FRAS1: variants seen among roughly 807,000 people sequenced by gnomAD.
FRAS1 encodes extracellular matrix organizing protein FRAS1.
A neutral mutation model predicts 435.2 loss-of-function variants in FRAS1; 290 were observed. That is an observed-to-expected ratio of 0.67 (90% CI 0.61 to 0.73). FRAS1 has a LOEUF of 0.73. Among genes scored for constraint, FRAS1 ranks in the 30% least tolerant of loss-of-function variants. The pLI, the probability that FRAS1 is intolerant of heterozygous loss-of-function variation, is 0.00. For missense variants in FRAS1, 4,860 were observed against 5,001.5 expected (o/e 0.97, Z 0.85); for synonymous variants, 1,800 against 1,851.0 (o/e 0.97, Z 0.71).
rs1729107317 is a variant in FRAS1 at position 78,313,299 on chromosome 4, T to C, written c.1679-2295T>C. 2.6e-5 allele frequency among the ~76,000 whole-genome samples: 4 copies of C among 152,210 alleles called. No homozygotes were observed. The South Asian group carries it at 8.3e-4, about 31-fold the overall frequency. On this transcript the variant is annotated intron_variant, in intron 15 of 73. Transcript: ENST00000512123. ...TTAAGGCCATTGCCATAGCCCATTC[T>C]CTTACTCTACACATTTGCCTGTGAA...
At chr4:78,141,898 A>G (rs374399639) in intron 2 of FRAS1, among the ~76,000 whole-genome samples, 10 of 152,268 alleles carry the variant, frequency 6.6e-5, no homozygotes, top group African/African-American at 2.4e-4. Context: ...AACACCAAAC[A>G]TCATATGTTC....
At chr4:78,189,263 G>T (rs1034336706) in intron 2 of FRAS1, among the ~76,000 whole-genome samples, 1 of 152,196 alleles carries the variant, frequency 6.6e-6, no homozygotes, top group African/African-American at 2.4e-5. Context: ...AAAACTGGAG[G>T]ATAAAAGAAA....
chr4:78,321,912 G>A (rs898759207), intron 18 of FRAS1, among the ~76,000 whole-genome samples: 4 of 151,350 alleles, frequency 2.6e-5, no homozygotes, highest in African/African-American at 9.7e-5. Context: ...TGAAAGGACT[G>A]AATTGACCTC....
chr4:78,323,837 A>AT (rs371031812), intron 18 of FRAS1, among the ~76,000 whole-genome samples: 47 of 150,732 alleles, frequency 3.1e-4, no homozygotes, highest in Admixed American at 1.3e-3. Context: ...TGGTTGAAGG[A>AT]TTTTTTTTTT....
intron 2 of FRAS1, among the ~76,000 whole-genome samples, chr4:78,173,961 T>C (rs72862110): frequency 1.1e-4 from 17 of 152,364 alleles, no homozygotes; most frequent in African/African-American, 4.1e-4. Context: ...AGTTACTGTG[T>C]GCATTCAGCT....
rs575805534 is a variant in FRAS1, at chr4:78,150,168, T to C, written c.108+84152T>C. Among the ~76,000 whole-genome samples, 9 of 152,336 alleles carry C rather than the reference T, an allele frequency of 5.9e-5. No homozygotes were observed. The South Asian group carries it at 6.2e-4, about 11-fold the overall frequency. Reference sequence around the variant, plus strand: ...TCAGGCAGGAGGAAGGCCCCAGAGCTTGTAAAGCCCATCTCAGGAAGAGCC... The same window carrying C: ...TCAGGCAGGAGGAAGGCCCCAGAGCCTGTAAAGCCCATCTCAGGAAGAGCC... On this transcript the variant is annotated intron_variant, in intron 2 of 73. Transcript: ENST00000512123.
At position 78,540,558 on chromosome 4, in the gene FRAS1, C is replaced by T. The variant is rs765622092; in HGVS notation, c.11473C>T (p.Gln3825Ter). The T allele has an allele frequency of 6.6e-7, 1 of 1,510,170 alleles. No homozygotes were observed. Among genetic ancestry groups the T allele is most frequent in the East Asian group, 2.3e-5 (1 of 43,944 alleles). The allele number at this position is 1,510,170 out of a possible 1,614,324, so 93.5% of individuals were successfully genotyped here. A position where few individuals can be genotyped will look rare whatever the true frequency, so the allele number is the denominator to read the frequency against. ...GGAAGCAGGACACCAGTGGTATCTC[C>T]AGGTCATCTACATCATTGGCCCTGA... ...KVEAGHQWYLQVIYIIGPDTI... is the reference protein window; with the variant it reads ...KVEAGHQWYL Residue 3825 changes from glutamine to a stop codon, truncating the protein, a stop_gained, in exon 74 of 74, where the codon CAG (glutamine) becomes TAG (stop). Coordinates refer to ENST00000512123, the MANE Select transcript of FRAS1 (RefSeq NM_025074.7). LOFTEE classifies it high-confidence loss of function.
At chr4:78,121,284 T>C (rs1719005979) in intron 2 of FRAS1, among the ~76,000 whole-genome samples, 1 of 152,228 alleles carries the variant, frequency 6.6e-6, no homozygotes, top group Non-Finnish European at 1.5e-5. Context: ...ACAAGTTTCT[T>C]TGAACTATTT....
rs185369062 is a variant in FRAS1, at chr4:78,097,086, C to T, written c.108+31070C>T. Among the ~76,000 whole-genome samples, 145 of 152,278 alleles carry T rather than the reference C, an allele frequency of 9.5e-4. 1 individual carries two copies. The East Asian group carries it at 0.024, about 25-fold the overall frequency. On this transcript the variant is annotated intron_variant, in intron 2 of 73. Transcript: ENST00000512123. ...TCTTCTGCCAGATACCCTAAATCAT[C>T]TCTCTCAAGTTCAAGGTTTCACAAA... is the stretch of plus-strand genomic sequence containing the variant.
At chr4:78,402,532 A>T (rs1163575559) in intron 30 of FRAS1, among the ~76,000 whole-genome samples, 1 of 152,158 alleles carries the variant, frequency 6.6e-6, no homozygotes, top group Non-Finnish European at 1.5e-5. Flanking sequence ...AAAAAAATTT[A>T]AAAAAACATT....
intron 16 of FRAS1, among the ~76,000 whole-genome samples, chr4:78,316,729 A>G (rs1025678930): frequency 7.2e-5 from 11 of 152,230 alleles, no homozygotes; most frequent in African/African-American, 2.7e-4. Context: ...CAGAGTCATT[A>G]CTGTAATTGT....
chr4:78,271,275 CT>C (rs58638839), intron 9 of FRAS1, among the ~76,000 whole-genome samples: 143,584 of 151,876 alleles, frequency 0.95, 68,260 homozygotes, highest in Non-Finnish European at 1. Flanking sequence ...CATTACCATT[CT>C]TTTTTTTTTA....
intron 2 of FRAS1, among the ~76,000 whole-genome samples, chr4:78,128,855 C>T (rs2109978729): frequency 6.6e-6 from 1 of 152,234 alleles, no homozygotes; most frequent in Non-Finnish European, 1.5e-5. Flanking sequence ...ATGGTATTGC[C>T]TAGGTTTTCT....
chr4:78,179,229 CGA>C (rs1335849931), intron 2 of FRAS1, among the ~76,000 whole-genome samples: 1 of 152,168 alleles, frequency 6.6e-6, no homozygotes, highest in Non-Finnish European at 1.5e-5. Flanking sequence ...TTGTTCTCAC[CGA>C]CTGGAAGTGT....
chr4:78,475,602 G>C lies in FRAS1; in HGVS notation c.7847G>C (p.Gly2616Ala). 6.4e-7 allele frequency: 1 copy of C among 1,568,516 alleles called. No individual in the cohort carries two copies. Among genetic ancestry groups the C allele is most frequent in the South Asian group, 1.2e-5 (1 of 83,986 alleles). Reference sequence around the variant, plus strand: ...CAACAGGACTATGTAGAGTATGCTGGCCAGGTAGGTGGGGTAGTGGGGTTG... The same window carrying C: ...CAACAGGACTATGTAGAGTATGCTGCCCAGGTAGGTGGGGTAGTGGGGTTG... ...PGQQDYVEYA[G>A]QVQFDEREDT... The change falls in exon 54 of 74, where the codon GGC becomes GCC. Residue 2616 changes from glycine (G) to alanine (A), a missense_variant. By Grantham distance (60) the Gly-to-Ala change is moderately conservative. Coordinates refer to ENST00000512123, the MANE Select transcript of FRAS1 (RefSeq NM_025074.7).
At chr4:78,278,622 T>G in intron 9 of FRAS1, 33 bp from the exon 10 acceptor site, 5 of 1,228,510 alleles carry the variant, frequency 4.1e-6, no homozygotes, top group Non-Finnish European at 4.8e-6. Context: ...GATGTTAATT[T>G]GATATGTGCC....
chr4:78,130,758 A>T (rs1719643925), intron 2 of FRAS1, among the ~76,000 whole-genome samples: 1 of 152,234 alleles, frequency 6.6e-6, no homozygotes. Flanking sequence ...GGGTAAAGTC[A>T]TGGAACTAAG....
rs969494162 is a variant in FRAS1 at position 78,297,568 on chromosome 4, C to G, written c.1535-10498C>G. Among the ~76,000 whole-genome samples, 5 of 152,120 alleles carry G rather than the reference C, an allele frequency of 3.3e-5. No individual in the cohort carries two copies. In the East Asian group the frequency reaches 9.6e-4, roughly 29 times the overall value. On this transcript the variant is annotated intron_variant, in intron 14 of 73. Transcript: ENST00000512123. The stretch of plus-strand genomic sequence containing the variant: ...ATTGCCAAAAGAAAAGTAATTTGTT[C>G]CTTTTCATTTTCGAAATGAGTTGCT...
At chr4:78,531,392 G>A (rs1721710084) in intron 70 of FRAS1, among the ~76,000 whole-genome samples, 1 of 152,176 alleles carries the variant, frequency 6.6e-6, no homozygotes, top group Non-Finnish European at 1.5e-5. Flanking sequence ...TAGGAGTGGT[G>A]AGAGAGGGCA....
Sources: gnomAD v4.1 joint callset for allele counts (sites outside exome capture counted in the v4.1 genomes callset) on GRCh38, gnomAD v4.1.1 for gene constraint, MANE v1.5 for transcripts, NCBI Gene and HGNC (gene_info 2026-07-23, HGNC 2026-07-21) for gene names.